WDR70: variants seen among roughly 807,000 people sequenced by gnomAD.
The protein encoded by WDR70 is WD repeat domain 70.
A neutral mutation model predicts 88.6 loss-of-function variants in WDR70; 53 were observed. The ratio of observed to expected loss-of-function variants is 0.60; its 90% CI spans 0.48 to 0.75. The LOEUF (loss-of-function observed/expected upper bound fraction) is 0.75, where lower values mean the gene tolerates loss of function less well. Ranked by LOEUF, WDR70 falls within the 30% of genes least tolerant of loss-of-function variation. WDR70 has a pLI of 0.00. For missense variants in WDR70, 610 were observed against 823.2 expected (o/e 0.74, Z 3.17); for synonymous variants, 280 against 270.0 (o/e 1.04, Z -0.36).
At chr5:37,418,565 C>T (rs1307203735) in intron 5 of WDR70, among the ~76,000 whole-genome samples, 1 of 152,074 alleles carries the variant, frequency 6.6e-6, no homozygotes. Context: ...TTTTAGTTGA[C>T]TACTTCTCTT....
rs73074115 is a variant in WDR70 at position 37,511,451 on chromosome 5, T to A, written c.841-5063T>A. On this transcript the variant is annotated intron_variant, in intron 8 of 17. Coordinates refer to ENST00000265107, the MANE Select transcript of WDR70 (RefSeq NM_018034.4). ...CTTTGTAGTACTTTCTTTTTTTTTTTAATACAACAAAATGTTCCACGTTCA... is the reference window on the plus strand; with the variant it reads ...CTTTGTAGTACTTTCTTTTTTTTTTAAATACAACAAAATGTTCCACGTTCA... Among the ~76,000 whole-genome samples, 1,122 of 152,162 alleles carry A rather than the reference T, an allele frequency of 7.4e-3. 17 individuals carry two copies. The highest frequency in any genetic ancestry group is 0.025 in the African/African-American group (1,056 of 41,508).
intron 17 of WDR70, among the ~76,000 whole-genome samples, chr5:37,750,221 G>T (rs1748765790): frequency 6.6e-6 from 1 of 152,084 alleles, no homozygotes; most frequent in Non-Finnish European, 1.5e-5. Context: ...GATACTTTTG[G>T]AAGGTGGAAT....
Position 37,562,086 on chromosome 5 carries a change from G to A in WDR70, c.918-42978G>A, listed in dbSNP as rs541329238. ...TAAAATGACATACTAGGCTGGGCGC[G>A]GTGGCTCATGCCTGTTATCTCAGCA... On this transcript the variant is annotated intron_variant, in intron 9 of 17. Transcript: ENST00000265107. Among the ~76,000 whole-genome samples, 22 of 152,240 alleles carry A rather than the reference G, an allele frequency of 1.4e-4. No homozygotes were observed. The East Asian group carries it at 4.1e-3, about 28-fold the overall frequency.
At chr5:37,624,122 G>A (rs1744597619) in intron 10 of WDR70, among the ~76,000 whole-genome samples, 1 of 152,054 alleles carries the variant, frequency 6.6e-6, no homozygotes, top group Non-Finnish European at 1.5e-5. Flanking sequence ...TCATTCTGAT[G>A]TGGTACAGAA....
chr5:37,657,863 C>T (rs1391691064), intron 10 of WDR70, among the ~76,000 whole-genome samples: 2 of 152,310 alleles, frequency 1.3e-5, no homozygotes, highest in African/African-American at 2.4e-5. Context: ...ACTTTCCTTC[C>T]TCCATACTTT....
At chr5:37,589,809 C>T (rs1208680863) in intron 9 of WDR70, among the ~76,000 whole-genome samples, 2 of 152,038 alleles carry the variant, frequency 1.3e-5, no homozygotes, top group Non-Finnish European at 2.9e-5. Flanking sequence ...GCCATGTTGC[C>T]CAGGTTGGTC....
intron 17 of WDR70, among the ~76,000 whole-genome samples, chr5:37,739,809 G>T (rs371020748): frequency 1.3e-4 from 19 of 151,368 alleles, no homozygotes; most frequent in South Asian, 4.2e-4. Context: ...CCCATACCCC[G>T]ACTGGCCCTG....
At chr5:37,582,597 T>C (rs1743250003) in intron 9 of WDR70, among the ~76,000 whole-genome samples, 1 of 152,234 alleles carries the variant, frequency 6.6e-6, no homozygotes, top group Non-Finnish European at 1.5e-5. Context: ...GCAGATTATA[T>C]AACTTCTCAC....
chr5:37,694,660 C>G (rs1166220146), intron 10 of WDR70, among the ~76,000 whole-genome samples: 1 of 151,576 alleles, frequency 6.6e-6, no homozygotes, highest in Non-Finnish European at 1.5e-5. Flanking sequence ...AACATGTAGA[C>G]ACAGGGCGGG....
intron 7 of WDR70, among the ~76,000 whole-genome samples, chr5:37,475,906 C>T (rs897558979): frequency 7.9e-5 from 11 of 139,656 alleles, no homozygotes; most frequent in African/African-American, 2.6e-4. Flanking sequence ...AGTGCAATGG[C>T]GTGATCTCGG....
intron 3 of WDR70, among the ~76,000 whole-genome samples, chr5:37,384,173 C>CTTTTTTTTTTT (rs57075180): frequency 1.9e-5 from 2 of 107,872 alleles, no homozygotes; most frequent in Non-Finnish European, 1.9e-5. Context: ...ACTTTCCCCC[C>CTTTTTTTTTTT]TTTTTTTTTT....
intron 8 of WDR70, among the ~76,000 whole-genome samples, chr5:37,491,117 T>C (rs1390975508): frequency 2.6e-5 from 4 of 152,116 alleles, no homozygotes; most frequent in Non-Finnish European, 5.9e-5. Flanking sequence ...ATGGCTAGGA[T>C]TGCAGGTATC....
intron 9 of WDR70, among the ~76,000 whole-genome samples, chr5:37,601,887 C>T (rs1743893879): frequency 6.6e-6 from 1 of 152,018 alleles, no homozygotes; most frequent in African/African-American, 2.4e-5. Context: ...ATATATGCAG[C>T]CATAAAAAAG....
At position 37,536,134 on chromosome 5, in the gene WDR70, A is replaced by G. The variant is rs144826951; in HGVS notation, c.917+19544A>G. Among the ~76,000 whole-genome samples the G allele has an allele frequency of 5.3e-5, 8 of 152,278 alleles. No homozygotes were observed. The East Asian group carries it at 1.5e-3, about 29-fold the overall frequency. On this transcript the variant is annotated intron_variant, in intron 9 of 17. Transcript: ENST00000265107. ...GACTGTGATGAGGATTATCTTACTCATCTCCAAGATCTCATCAGTATAAGT... is the reference window on the plus strand; with the variant it reads ...GACTGTGATGAGGATTATCTTACTCGTCTCCAAGATCTCATCAGTATAAGT...
At chr5:37,388,051 A>G (rs1422911661) in intron 3 of WDR70, among the ~76,000 whole-genome samples, 1 of 152,158 alleles carries the variant, frequency 6.6e-6, no homozygotes, top group Non-Finnish European at 1.5e-5. Flanking sequence ...TGATAATGGT[A>G]CAAATTTTTT....
chr5:37,587,844 A>G (rs1743408664), intron 9 of WDR70, among the ~76,000 whole-genome samples: 1 of 141,562 alleles, frequency 7.1e-6, no homozygotes, highest in Non-Finnish European at 1.5e-5. Context: ...CAGTGGCGTG[A>G]TCTCAGCTCA....
intron 8 of WDR70, among the ~76,000 whole-genome samples, chr5:37,503,100 T>A (rs1180490903): frequency 6.6e-6 from 1 of 152,186 alleles, no homozygotes; most frequent in East Asian, 1.9e-4. Flanking sequence ...TTTGTTAGTG[T>A]TTTGTTGATT....
rs146947996 is a variant in WDR70, at chr5:37,464,256, C to G, written c.687-15578C>G. On this transcript the variant is annotated intron_variant, in intron 7 of 17. Transcript: ENST00000265107. ...CAAGCATATATCCTGTGAACTGATT[C>G]ATTCCATTCTTTCTTTAGAGACTTT... Among the ~76,000 whole-genome samples the G allele has an allele frequency of 4.6e-3, 706 of 152,308 alleles. 6 individuals carry two copies. The highest frequency in any genetic ancestry group is 6.8e-3 in the South Asian group (33 of 4,828).
Position 37,726,990 on chromosome 5 carries a change from C to A in WDR70, c.1822C>A (p.Arg608Ser). ...CAGTAATCCTCGGGAAGCCATTTTG[C>A]GTCATGCCAAAGCAGCAGAAGACAG... Reference protein sequence around the residue: ...DDSNPREAILRHAKAAEDSPY... With the variant: ...DDSNPREAILSHAKAAEDSPY... The change falls in exon 17 of 18, where the codon CGT becomes AGT. Residue 608 changes from arginine to serine, a missense_variant. By Grantham distance (110) the Arg-to-Ser change is moderately radical. Coordinates refer to ENST00000265107, the MANE Select transcript of WDR70 (RefSeq NM_018034.4). 1 of 1,610,648 alleles carries A rather than the reference C, an allele frequency of 6.2e-7. No individual in the cohort carries two copies. The highest frequency in any genetic ancestry group is 8.5e-7 in the Non-Finnish European group (1 of 1,178,514).
Sources: gnomAD v4.1 joint callset for allele counts (sites outside exome capture counted in the v4.1 genomes callset) on GRCh38, gnomAD v4.1.1 for gene constraint, MANE v1.5 for transcripts, NCBI Gene and HGNC (gene_info 2026-07-23, HGNC 2026-07-21) for gene names.